ERCC6: variants seen among roughly 807,000 people sequenced by gnomAD.
The protein encoded by ERCC6 is DNA excision repair protein ERCC-6.
Under a neutral mutation model 158.7 loss-of-function variants are expected in ERCC6, and 116 were observed. The observed-to-expected ratio is 0.73, with a 90% CI of 0.63 to 0.85. The LOEUF (loss-of-function observed/expected upper bound fraction) is 0.85. Among genes scored for constraint, ERCC6 ranks in the 40% least tolerant of loss-of-function variants. The pLI, the probability that ERCC6 is intolerant of heterozygous loss-of-function variation, is 0.00. For missense variants in ERCC6, 1,698 were observed against 1,799.4 expected (o/e 0.94, Z 1.02); for synonymous variants, 678 against 659.3 (o/e 1.03, Z -0.43).
Position 49,524,793 on chromosome 10 carries a change from C to T in ERCC6, c.653-16G>A, listed in dbSNP as rs779596665. On this transcript the variant is annotated splice_polypyrimidine_tract_variant and intron_variant, in intron 4 of 20. Coordinates refer to ENST00000355832, the MANE Select transcript of ERCC6 (RefSeq NM_000124.4). ...GGCCCCGGCTCTGAAAGAACAATAG[C>T]AATGCGTTTCGCACTAGCATGAAAC... is the stretch of plus-strand genomic sequence containing the variant. 1.3e-6 allele frequency: 2 copies of T among 1,599,494 alleles called. No individual in the cohort carries two copies. The highest frequency in any genetic ancestry group is 1.7e-5 in the Admixed American group (1 of 59,976).
chr10:49,482,690 T>C lies in ERCC6; in HGVS notation c.2166A>G (p.Val722=), dbSNP rs1204511929. 2 of 1,613,532 alleles carry C rather than the reference T, an allele frequency of 1.2e-6. No homozygotes were observed. Among genetic ancestry groups the C allele is most frequent in the African/African-American group, 2.7e-5 (2 of 74,882 alleles). Residue 722 remains valine (V), a synonymous_variant, in exon 10 of 21, where the codon GTA becomes GTG. Transcript: ENST00000355832. Reference sequence around the variant, plus strand: ...TATTATCATCCTAATATTTTACCTGTACTGGGGAAGCATTTGAATATCCCC... The same window carrying C: ...TATTATCATCCTAATATTTTACCTGCACTGGGGAAGCATTTGAATATCCCC... ...TMGGYSNASP[V]QVKTAYKCAC...
chr10:49,510,059 C>A (rs1851507811), intron 5 of ERCC6, among the ~76,000 whole-genome samples: 1 of 152,050 alleles, frequency 6.6e-6, no homozygotes, highest in South Asian at 2.1e-4. Context: ...GAAAACACTC[C>A]CTGGTTTCCC....
rs1160393978 is a variant in ERCC6, at chr10:49,524,379, C to A, written c.1051G>T (p.Ala351Ser). The A allele has an allele frequency of 1.2e-6, 2 of 1,614,098 alleles. No homozygotes were observed. Among genetic ancestry groups the A allele is most frequent in the Non-Finnish European group, 1.7e-6 (2 of 1,180,048 alleles). ...QFQGKVGLPKARRPWESDMRP... is the reference protein window; with the variant it reads ...QFQGKVGLPKSRRPWESDMRP... The stretch of plus-strand genomic sequence containing the variant: ...ATGTCTGACTCCCAAGGTCTCCTTG[C>A]CTTTGGCAATCCCACTTTCCCCTGG... Residue 351 changes from alanine to serine, a missense_variant, in exon 5 of 21, where the codon GCA becomes TCA. Transcript: ENST00000355832.
intron 8 of ERCC6, among the ~76,000 whole-genome samples, chr10:49,484,340 C>T (rs1455099298): frequency 6.6e-6 from 1 of 151,370 alleles, no homozygotes; most frequent in Non-Finnish European, 1.5e-5. Flanking sequence ...TAAATGGAGC[C>T]GAGATTTGAA....
At position 49,524,369 on chromosome 10, in the gene ERCC6, G is replaced by A; in HGVS notation, c.1061C>T (p.Pro354Leu). The A allele has an allele frequency of 1.2e-6, 2 of 1,614,132 alleles. No homozygotes were observed. The highest frequency in any genetic ancestry group is 1.7e-6 in the Non-Finnish European group (2 of 1,180,022). The change falls in exon 5 of 21, where the codon CCT (proline) becomes CTT (leucine). Residue 354 changes from proline (P) to leucine (L), a missense_variant. Transcript: ENST00000355832. ...CTCTGGCCTCATGTCTGACTCCCAAGGTCTCCTTGCCTTTGGCAATCCCAC... is the reference window on the plus strand; with the variant it reads ...CTCTGGCCTCATGTCTGACTCCCAAAGTCTCCTTGCCTTTGGCAATCCCAC... Reference protein sequence around the residue: ...GKVGLPKARRPWESDMRPEAE... With the variant: ...GKVGLPKARRLWESDMRPEAE...
chr10:49,507,649 G>A (rs1007335378), intron 5 of ERCC6, among the ~76,000 whole-genome samples: 1 of 152,052 alleles, frequency 6.6e-6, no homozygotes, highest in African/African-American at 2.4e-5. Context: ...TCTTGACAGG[G>A]GGCAATTCTG....
chr10:49,503,414 A>G (rs762204590), intron 6 of ERCC6: 1 of 152,182 alleles, frequency 6.6e-6, no homozygotes, highest in Non-Finnish European at 1.5e-5. Context: ...AAATCTTACT[A>G]GGCAGCATGT....
chr10:49,516,097 T>TAAA, intron 5 of ERCC6: 1 of 1,614,152 alleles, frequency 6.2e-7, no homozygotes, highest in Non-Finnish European at 8.5e-7. Flanking sequence ...TGTGCCTCTG[T>TAAA]AAGTGCCTCA....
At chr10:49,521,086 T>C (rs1590467969) in intron 5 of ERCC6, among the ~76,000 whole-genome samples, 1 of 152,168 alleles carries the variant, frequency 6.6e-6, no homozygotes, top group South Asian at 2.1e-4. Flanking sequence ...CCAAGTCTAT[T>C]AACAGACTGC....
At chr10:49,526,900 G>C (rs1837353890) in intron 4 of ERCC6, among the ~76,000 whole-genome samples, 1 of 152,200 alleles carries the variant, frequency 6.6e-6, no homozygotes, top group African/African-American at 2.4e-5. Context: ...GTAGAACCTA[G>C]GTGGCTGCAA....
intron 18 of ERCC6, among the ~76,000 whole-genome samples, chr10:49,462,188 G>A (rs999615655): frequency 2.0e-5 from 3 of 152,162 alleles, no homozygotes; most frequent in Admixed American, 2.0e-4. Flanking sequence ...CACAACAGGA[G>A]ATTGACCAGA....
At chr10:49,442,261 G>A in the ERCC6 span, among the ~76,000 whole-genome samples, 60 of 152,216 alleles carry the variant, frequency 3.9e-4, no homozygotes, top group Non-Finnish European at 7.3e-4. Flanking sequence ...GCCCTCTCGC[G>A]CTCTCTGCCT....
intron 5 of ERCC6, among the ~76,000 whole-genome samples, chr10:49,520,957 T>C (rs956576918): frequency 6.6e-6 from 1 of 152,338 alleles, no homozygotes; most frequent in Non-Finnish European, 1.5e-5. Context: ...CATATTAATA[T>C]ATCTGAGCCA....
At position 49,482,760 on chromosome 10, in the gene ERCC6, G is replaced by T; in HGVS notation, c.2096C>A (p.Thr699Lys). The change falls in exon 10 of 21, where the codon ACG becomes AAG. Residue 699 changes from threonine (T) to lysine (K), a missense_variant. Thr to Lys is a moderately conservative substitution (Grantham distance 78, BLOSUM62 -1). Coordinates refer to ENST00000355832, the MANE Select transcript of ERCC6 (RefSeq NM_000124.4). ...GAACTGCTCCATAAACACAGGCAACGTGCCTAACTTTCCCGGGAAGATGAA... is the reference window on the plus strand; with the variant it reads ...GAACTGCTCCATAAACACAGGCAACTTGCCTAACTTTCCCGGGAAGATGAA... ...FDFIFPGKLG[T>K]LPVFMEQFSV... 6.2e-7 allele frequency: 1 copy of T among 1,613,798 alleles called. No homozygotes were observed. The highest frequency in any genetic ancestry group is 1.1e-5 in the South Asian group (1 of 91,068).
intron 18 of ERCC6, among the ~76,000 whole-genome samples, chr10:49,468,007 C>A (rs767074554): frequency 6.6e-6 from 1 of 152,158 alleles, no homozygotes; most frequent in Non-Finnish European, 1.5e-5. Flanking sequence ...AGAGGCAAGA[C>A]CCCCTACTCT....
intron 12 of ERCC6, 136 bp from the exon 13 acceptor site, chr10:49,474,378 C>T (rs189747333): frequency 1.4e-6 from 1 of 698,288 alleles, no homozygotes; most frequent in East Asian, 2.7e-5. Flanking sequence ...TCTCTAGTCA[C>T]AGCATTATCA....
In ERCC6 at chr10:49,470,537, T is replaced by C. The variant is rs2132537242; in HGVS notation, c.3423A>G (p.Pro1141=). 1.2e-6 allele frequency: 2 copies of C among 1,614,108 alleles called. No individual in the cohort carries two copies. The highest frequency in any genetic ancestry group is 2.2e-5 in the East Asian group (1 of 44,900). ...NSSGTGKTSM[P]SGDESIDEKL... is the part of the protein sequence containing the mutation. ...TTTCATCAATGCTTTCATCACCAGA[T>C]GGCATAGAAGTTTTGCCTGTTCCTG... Residue 1141 remains proline, a synonymous_variant, in exon 18 of 21, where the codon CCA becomes CCG. Transcript: ENST00000355832.
At chr10:49,471,222 T>C in intron 16 of ERCC6, 102 bp from the exon 17 acceptor site, 1 of 1,153,694 alleles carries the variant, frequency 8.7e-7, no homozygotes, top group South Asian at 1.3e-5. Flanking sequence ...AGCTGCTGCA[T>C]GAATGGCTAA....
Position 49,470,650 on chromosome 10 carries a change from T to A in ERCC6, c.3310A>T (p.Asn1104Tyr). ...DPHMSSNVTS[N>Y]DRLGEETNAV... is the part of the protein sequence containing the mutation. ...TTTGTCTCTTCTCCAAGCCTATCAT[T>A]GCTAGTTACATTACTACTCATGTGA... The change falls in exon 18 of 21, where the codon AAT becomes TAT. Residue 1104 changes from asparagine to tyrosine, a missense_variant. By Grantham distance (143) the Asn-to-Tyr change is moderately radical (BLOSUM62 -2). Coordinates refer to ENST00000355832, the MANE Select transcript of ERCC6 (RefSeq NM_000124.4). 6.2e-7 allele frequency: 1 copy of A among 1,613,854 alleles called. No individual in the cohort carries two copies. Among genetic ancestry groups the A allele is most frequent in the Non-Finnish European group, 8.5e-7 (1 of 1,179,854 alleles).
Sources: allele counts gnomAD v4.1 joint callset (sites outside exome capture counted in the v4.1 genomes callset), GRCh38; gene constraint gnomAD v4.1.1; transcripts MANE v1.5; gene names NCBI Gene and HGNC (gene_info 2026-07-23, HGNC 2026-07-21).